ASTN1: variants seen among roughly 807,000 people sequenced by gnomAD.
ASTN1 encodes the protein astrotactin 1.
ASTN1 carries 41 observed loss-of-function variants against 140.7 expected under a neutral mutation model. That is an observed-to-expected ratio of 0.29 (90% confidence interval 0.23 to 0.38). ASTN1 has a LOEUF of 0.38. ASTN1 is among the 10% of genes least tolerant of loss of function. The pLI is 1.00. For synonymous variants in ASTN1, 640 were observed against 652.2 expected, an observed-to-expected ratio of 0.98 and a Z score of 0.29; for missense variants, 1,479 against 1,678.8, an observed-to-expected ratio of 0.88 and a Z score of 2.08.
chr1:177,060,510 T>A (rs570934793), intron 2 of ASTN1, among the ~76,000 whole-genome samples: 1 of 152,264 alleles, frequency 6.6e-6, no homozygotes, highest in East Asian at 1.9e-4. Flanking sequence ...ATTAGCCTCA[T>A]CTAATTTTGT....
chr1:176,988,902 C>A (rs1012569690), intron 8 of ASTN1, among the ~76,000 whole-genome samples: 2 of 152,118 alleles, frequency 1.3e-5, no homozygotes, highest in Non-Finnish European at 2.9e-5. Context: ...TCAGATGAGG[C>A]TAAAATGATT....
At chr1:176,980,487 A>G (rs1673564346) in intron 8 of ASTN1, among the ~76,000 whole-genome samples, 1 of 152,292 alleles carries the variant, frequency 6.6e-6, no homozygotes, top group South Asian at 2.1e-4. Context: ...AAACTCTAGG[A>G]AGCTCCAGAG....
At chr1:177,045,822 T>A (rs1248485579) in intron 2 of ASTN1, among the ~76,000 whole-genome samples, 1 of 152,090 alleles carries the variant, frequency 6.6e-6, no homozygotes, top group African/African-American at 2.4e-5. Flanking sequence ...AGGAATAGAG[T>A]ATCATCACCA....
intron 1 of ASTN1, among the ~76,000 whole-genome samples, chr1:177,099,032 C>T (rs1299200633): frequency 6.6e-6 from 1 of 152,192 alleles, no homozygotes; most frequent in Non-Finnish European, 1.5e-5. Flanking sequence ...GACCAGCTGT[C>T]CTTTCATAAA....
intron 16 of ASTN1, among the ~76,000 whole-genome samples, chr1:176,895,649 A>G (rs1232579674): frequency 6.6e-6 from 1 of 152,240 alleles, no homozygotes; most frequent in Non-Finnish European, 1.5e-5. Context: ...TGTTGAGTAA[A>G]GGATAGTTAA....
intron 7 of ASTN1, among the ~76,000 whole-genome samples, chr1:177,022,498 C>A (rs1206285909): frequency 6.6e-6 from 1 of 152,162 alleles, no homozygotes; most frequent in Non-Finnish European, 1.5e-5. Flanking sequence ...AATAAGAGAT[C>A]CATGCTCCTG....
intron 1 of ASTN1, among the ~76,000 whole-genome samples, chr1:177,091,002 C>T (rs546061437): frequency 2.1e-4 from 32 of 152,182 alleles, no homozygotes; most frequent in African/African-American, 7.5e-4. Flanking sequence ...ATATGTGAGT[C>T]TGGTCCTGCT....
At chr1:177,115,867 G>A (rs1020225219) in intron 1 of ASTN1, among the ~76,000 whole-genome samples, 18 of 151,890 alleles carry the variant, frequency 1.2e-4, no homozygotes, top group Non-Finnish European at 2.1e-4. Flanking sequence ...ATCTACACAC[G>A]CAACATTTAA....
At chr1:176,905,452 A>AAAGG (rs1571489023) in intron 16 of ASTN1, among the ~76,000 whole-genome samples, 1 of 152,240 alleles carries the variant, frequency 6.6e-6, no homozygotes, top group East Asian at 1.9e-4. Context: ...GAATGTTGTA[A>AAAGG]GAGTCTCCAT....
At chr1:177,160,211 A>G (rs548505463) in intron 1 of ASTN1, among the ~76,000 whole-genome samples, 1 of 152,338 alleles carries the variant, frequency 6.6e-6, no homozygotes, top group South Asian at 2.1e-4. Flanking sequence ...GGATCCATCA[A>G]CTGTTCACTA....
intron 2 of ASTN1, among the ~76,000 whole-genome samples, chr1:177,037,838 G>C (rs1385791379): frequency 3.3e-5 from 5 of 152,056 alleles, no homozygotes; most frequent in Admixed American, 2.0e-4. Flanking sequence ...AAAAAATGTG[G>C]CATTTTAAAA....
chr1:176,947,426 G>T (rs72718670), intron 12 of ASTN1, among the ~76,000 whole-genome samples: 17,908 of 152,158 alleles, frequency 0.12, 1,346 homozygotes, highest in Admixed American at 0.18. Context: ...ATAAATGTAT[G>T]TGATTTGGTC....
intron 7 of ASTN1, among the ~76,000 whole-genome samples, chr1:177,023,072 T>A (rs1225861062): frequency 6.6e-6 from 1 of 152,210 alleles, no homozygotes; most frequent in Non-Finnish European, 1.5e-5. Context: ...TTTTCTACAA[T>A]AAACATGCAT....
intron 1 of ASTN1, among the ~76,000 whole-genome samples, chr1:177,096,650 C>T (rs1003022995): frequency 1.3e-5 from 2 of 152,080 alleles, no homozygotes; most frequent in Admixed American, 1.3e-4. Flanking sequence ...GTGAAAAAGT[C>T]TCATGAGATC....
intron 15 of ASTN1, among the ~76,000 whole-genome samples, chr1:176,935,323 T>A (rs1671395624): frequency 6.6e-6 from 1 of 152,236 alleles, no homozygotes; most frequent in Admixed American, 6.5e-5. Flanking sequence ...GCACAGCATC[T>A]GTGCTGGGTG....
chr1:176,973,587 G>A (rs925203152), intron 8 of ASTN1, among the ~76,000 whole-genome samples: 14 of 152,014 alleles, frequency 9.2e-5, no homozygotes, highest in African/African-American at 1.2e-4. Context: ...CATTTTCCTC[G>A]TTCATTCACT....
chr1:177,070,807 C>T (rs150727679), intron 1 of ASTN1, among the ~76,000 whole-genome samples: 3,883 of 152,182 alleles, frequency 0.026, 84 homozygotes, highest in Admixed American at 0.037. Context: ...GGTTTTAAGG[C>T]CACTGTTGTT....
chr1:177,067,644 G>C (rs1169481394), intron 1 of ASTN1, among the ~76,000 whole-genome samples: 1 of 152,156 alleles, frequency 6.6e-6, no homozygotes, highest in African/African-American at 2.4e-5. Context: ...GTTAATAACA[G>C]TAGGGGATCA....
rs148729860 is a variant in ASTN1, at chr1:176,941,180, A to G, written c.2377+2711T>C. On this transcript the variant is annotated intron_variant, in intron 14 of 22. Transcript: ENST00000361833. ...TTCCCTATGTAAGTCTAGGAAAGATATAATTAAAATGTTCCCAGAACTAGA... is the reference window on the plus strand; with the variant it reads ...TTCCCTATGTAAGTCTAGGAAAGATGTAATTAAAATGTTCCCAGAACTAGA... 2.2e-4 allele frequency among the ~76,000 whole-genome samples: 33 copies of G among 152,342 alleles called. No homozygotes were observed. The East Asian group carries it at 6.2e-3, about 28-fold the overall frequency.
Sources: allele counts gnomAD v4.1 joint callset (sites outside exome capture counted in the v4.1 genomes callset), GRCh38; gene constraint gnomAD v4.1.1; transcripts MANE v1.5; gene names NCBI Gene and HGNC (gene_info 2026-07-23, HGNC 2026-07-21).